DMD: variants seen among roughly 807,000 people sequenced by gnomAD.
The protein encoded by DMD is mutant dystrophin.
A neutral mutation model predicts 330.1 loss-of-function variants in DMD; 63 were observed. That is an observed-to-expected ratio of 0.19 (90% CI 0.16 to 0.24). The LOEUF (loss-of-function observed/expected upper bound fraction) is 0.24, where lower values mean the gene tolerates loss of function less well. Ranked by LOEUF, DMD falls within the 10% of genes least tolerant of loss-of-function variation. The probability of loss-of-function intolerance (pLI) is 1.00; values close to 1 mark genes in which losing one functional copy is unlikely to be tolerated. For synonymous variants in DMD, 1,223 were observed against 959.8 expected, an observed-to-expected ratio of 1.27 and a Z score of -5.07; for missense variants, 3,344 against 2,684.1, an observed-to-expected ratio of 1.25 and a Z score of -5.43.
chrX:32,715,564 G>A (rs1213243253), intron 7 of DMD, among the ~76,000 whole-genome samples: 1 of 108,344 alleles, frequency 9.2e-6, no homozygotes, highest in Non-Finnish European at 1.9e-5. Context: ...GGAGGCCATG[G>A]CAGGCAGATA....
chrX:32,816,470 A>G lies in DMD; in HGVS notation c.528T>C (p.His176=), dbSNP rs2077770476. 8.3e-7 allele frequency: 1 copy of G among 1,210,786 alleles called. No homozygotes were observed. The highest frequency in any genetic ancestry group is 3.0e-5 in the East Asian group (1 of 33,805). The part of the protein sequence containing the change: ...GLALNALIHS[H]RPDLFDWNSV... ...TAATGTCTCAGTAATCTTCTTACCT[A>G]TGACTATGGATGAGAGCATTCAAAG... is the stretch of plus-strand genomic sequence containing the variant. The change falls in exon 6 of 79, where the codon CAT becomes CAC. Residue 176 remains histidine (H), a splice_region_variant and synonymous_variant. Coordinates refer to ENST00000357033, the MANE Select transcript of DMD (RefSeq NM_004006.3).
At chrX:33,111,148 A>G (rs1178213144) in intron 1 of DMD, among the ~76,000 whole-genome samples, 1 of 111,313 alleles carries the variant, frequency 9.0e-6, no homozygotes, top group Non-Finnish European at 1.9e-5. Flanking sequence ...TAACATTGTC[A>G]TACTCAACAT....
At chrX:31,849,761 A>G (rs895167365) in intron 48 of DMD, among the ~76,000 whole-genome samples, 1 of 110,921 alleles carries the variant, frequency 9.0e-6, no homozygotes, top group Admixed American at 9.7e-5. Flanking sequence ...GAATAAATAG[A>G]CATAAGATCT....
intron 51 of DMD, among the ~76,000 whole-genome samples, chrX:31,760,543 T>C (rs771220009): frequency 9.8e-5 from 11 of 112,210 alleles, no homozygotes; most frequent in Non-Finnish European, 1.9e-5. Flanking sequence ...CATGCTGTAC[T>C]GGTTTATAGC....
intron 1 of DMD, among the ~76,000 whole-genome samples, chrX:33,168,852 T>C (rs2049190786): frequency 9.1e-6 from 1 of 110,407 alleles, no homozygotes; most frequent in Admixed American, 9.7e-5. Context: ...AATAATTAGT[T>C]ATAGGATTGA....
intron 1 of DMD, among the ~76,000 whole-genome samples, chrX:33,210,316 T>C (rs2051826713): frequency 9.0e-6 from 1 of 110,501 alleles, no homozygotes; most frequent in Non-Finnish European, 1.9e-5. Flanking sequence ...CTCATATCTA[T>C]TTTAGAATAA....
intron 47 of DMD, among the ~76,000 whole-genome samples, chrX:31,886,926 T>C (rs2094163754): frequency 8.9e-6 from 1 of 112,146 alleles, no homozygotes; most frequent in Non-Finnish European, 1.9e-5. Flanking sequence ...GAGGTTTATG[T>C]ATGTAGTGCC....
At chrX:32,499,243 T>C (rs1025385815) in intron 19 of DMD, among the ~76,000 whole-genome samples, 18 of 112,126 alleles carry the variant, frequency 1.6e-4, no homozygotes, top group African/African-American at 4.8e-4. Flanking sequence ...GCTATGCATA[T>C]ACCAGTATAG....
At chrX:32,433,613 G>C (rs1352150369) in intron 29 of DMD, among the ~76,000 whole-genome samples, 1 of 111,257 alleles carries the variant, frequency 9.0e-6, no homozygotes, top group Non-Finnish European at 1.9e-5. Context: ...GGGAGGAGGA[G>C]GTTGCAGTGA....
chrX:31,931,529 G>GGGAATATAA (rs1340804090), intron 46 of DMD, among the ~76,000 whole-genome samples: 1 of 110,502 alleles, frequency 9.0e-6, no homozygotes, highest in Admixed American at 9.7e-5. Flanking sequence ...ATTGCTTCGG[G>GGGAATATAA]GGAATATAAT....
At chrX:33,185,349 T>C (rs1437292320) in intron 1 of DMD, among the ~76,000 whole-genome samples, 1 of 111,252 alleles carries the variant, frequency 9.0e-6, no homozygotes. Flanking sequence ...ATTAGTTATA[T>C]GGCCTTGAGA....
intron 2 of DMD, among the ~76,000 whole-genome samples, chrX:32,879,262 G>A (rs1035371705): frequency 3.6e-5 from 4 of 111,217 alleles, no homozygotes; most frequent in African/African-American, 6.5e-5. Flanking sequence ...CAGTGACTGC[G>A]GCAGACTGTT....
chrX:33,265,862 A>G (rs1265609666), intron 1 of DMD, among the ~76,000 whole-genome samples: 1 of 111,800 alleles, frequency 8.9e-6, no homozygotes, highest in Non-Finnish European at 1.9e-5. Flanking sequence ...TAACATTGAC[A>G]GGTCATTTTA....
intron 50 of DMD, among the ~76,000 whole-genome samples, chrX:31,780,570 T>C (rs932386124): frequency 2.7e-5 from 3 of 112,072 alleles, no homozygotes. Context: ...TATTTTCTTT[T>C]TGAATATTTG....
At chrX:31,631,262 C>T (rs2079119590) in intron 54 of DMD, among the ~76,000 whole-genome samples, 1 of 110,309 alleles carries the variant, frequency 9.1e-6, no homozygotes, top group African/African-American at 3.3e-5. Flanking sequence ...CTAAGCTGGG[C>T]TGCCCGGACC....
chrX:32,479,811 G>A (rs191747346), intron 21 of DMD, among the ~76,000 whole-genome samples: 30 of 107,340 alleles, frequency 2.8e-4, no homozygotes, highest in South Asian at 7.8e-4. Flanking sequence ...TTATCCATTC[G>A]TCCTGTAATA....
At chrX:31,943,876 A>AGG (rs2095040996) in intron 45 of DMD, among the ~76,000 whole-genome samples, 1 of 62,649 alleles carries the variant, frequency 1.6e-5, no homozygotes, top group Non-Finnish European at 2.9e-5. Flanking sequence ...TTCCCCAGAG[A>AGG]GTGAGAGAGA....
intron 60 of DMD, among the ~76,000 whole-genome samples, chrX:31,349,298 C>G (rs2058265061): frequency 8.9e-6 from 1 of 111,864 alleles, no homozygotes; most frequent in African/African-American, 3.3e-5. Context: ...AAAAATTAGT[C>G]AGGTGTGGTG....
intron 44 of DMD, among the ~76,000 whole-genome samples, chrX:32,200,589 C>T (rs1176090873): frequency 9.1e-6 from 1 of 109,980 alleles, no homozygotes; most frequent in African/African-American, 3.3e-5. Flanking sequence ...TATGTGAAAA[C>T]ACACATATGT....
Sources: gnomAD v4.1 joint callset for allele counts (sites outside exome capture counted in the v4.1 genomes callset) on GRCh38, gnomAD v4.1.1 for gene constraint, MANE v1.5 for transcripts, NCBI Gene and HGNC (gene_info 2026-07-23, HGNC 2026-07-21) for gene names.